Variants in MECOM observed in about 807,000 individuals in gnomAD.
The protein encoded by MECOM is MDS1 and EVI1 complex locus, also known as histone-lysine N-methyltransferase MECOM.
In MECOM, 13 loss-of-function variants were observed where a neutral mutation model predicts 116.3. The observed-to-expected ratio is 0.11, with a 90% CI of 0.07 to 0.18. MECOM has a LOEUF of 0.18. MECOM is among the 10% of genes least tolerant of loss of function. MECOM has a pLI of 1.00. For missense variants in MECOM, 1,299 were observed against 1,509.0 expected (o/e 0.86, Z 2.31); for synonymous variants, 528 against 535.2 (o/e 0.99, Z 0.19).
intron 2 of MECOM, among the ~76,000 whole-genome samples, chr3:169,161,768 A>G (rs1369676217): frequency 1.3e-5 from 2 of 151,758 alleles, no homozygotes; most frequent in African/African-American, 4.8e-5. Flanking sequence ...AAATTTGATT[A>G]TAAAAAAGAA....
intron 1 of MECOM, among the ~76,000 whole-genome samples, chr3:169,508,514 ACT>A (rs891730532): frequency 2.7e-5 from 4 of 146,226 alleles, no homozygotes; most frequent in African/African-American, 1.0e-4. Flanking sequence ...ACACATACAC[ACT>A]CACACACACA....
At chr3:169,199,604 A>G (rs966530241) in intron 2 of MECOM, among the ~76,000 whole-genome samples, 1 of 152,106 alleles carries the variant, frequency 6.6e-6, no homozygotes, top group African/African-American at 2.4e-5. Flanking sequence ...GTTTCAAAGC[A>G]TTATAATGCA....
chr3:169,506,612 TG>T (rs1755253636), intron 1 of MECOM, among the ~76,000 whole-genome samples: 1 of 152,246 alleles, frequency 6.6e-6, no homozygotes, highest in African/African-American at 2.4e-5. Flanking sequence ...TGTTCTGCTT[TG>T]TTTTGTTTTG....
chr3:169,204,258 C>T (rs1325019063), intron 2 of MECOM, among the ~76,000 whole-genome samples: 1 of 152,148 alleles, frequency 6.6e-6, no homozygotes, highest in African/African-American at 2.4e-5. Flanking sequence ...GCTTTGGTAA[C>T]TCTTTAGAAA....
intron 1 of MECOM, among the ~76,000 whole-genome samples, chr3:169,436,107 T>C (rs1174699953): frequency 6.6e-6 from 1 of 152,132 alleles, no homozygotes; most frequent in South Asian, 2.1e-4. Context: ...CTGAATATGG[T>C]AAGAAGATCC....
chr3:169,453,053 C>A (rs1269384330), intron 1 of MECOM, among the ~76,000 whole-genome samples: 4 of 152,136 alleles, frequency 2.6e-5, no homozygotes, highest in Admixed American at 2.0e-4. Flanking sequence ...GAAATAGTAA[C>A]TTAGATGTAA....
At chr3:169,311,070 T>A (rs1488156461) in intron 2 of MECOM, among the ~76,000 whole-genome samples, 1 of 152,222 alleles carries the variant, frequency 6.6e-6, no homozygotes, top group Non-Finnish European at 1.5e-5. Context: ...GGCAGTTATA[T>A]CATGCTCTAA....
intron 2 of MECOM, among the ~76,000 whole-genome samples, chr3:169,144,488 TG>T (rs955064833): frequency 1.3e-5 from 2 of 152,192 alleles, no homozygotes; most frequent in African/African-American, 4.8e-5. Flanking sequence ...AAAATAAAGC[TG>T]GCTCCTTGTG....
At chr3:169,145,576 A>C (rs1739630809) in intron 2 of MECOM, 1 of 225,200 alleles carries the variant, frequency 4.4e-6, no homozygotes, top group Non-Finnish European at 8.8e-6. Context: ...TTCTCCTGAC[A>C]CACCAAAGAA....
intron 2 of MECOM, among the ~76,000 whole-genome samples, chr3:169,265,800 AT>A (rs375049202): frequency 5.9e-5 from 9 of 152,344 alleles, no homozygotes; most frequent in African/African-American, 2.2e-4. Flanking sequence ...CTAATTCTCT[AT>A]AATCCTTTCC....
chr3:169,662,413 C>A (rs1431588084), intron 1 of MECOM, among the ~76,000 whole-genome samples: 3 of 152,228 alleles, frequency 2.0e-5, no homozygotes, highest in Non-Finnish European at 4.4e-5. Flanking sequence ...CTCTCTGCCT[C>A]CTGCTCCTAG....
chr3:169,584,391 C>T (rs1252917864), intron 1 of MECOM, among the ~76,000 whole-genome samples: 3 of 151,140 alleles, frequency 2.0e-5, no homozygotes, highest in Non-Finnish European at 4.4e-5. Context: ...CGGTGAAACC[C>T]CGTCTCTACT....
At chr3:169,262,530 T>C (rs1050720237) in intron 2 of MECOM, among the ~76,000 whole-genome samples, 1 of 152,152 alleles carries the variant, frequency 6.6e-6, no homozygotes, top group African/African-American at 2.4e-5. Context: ...GGGACGGAAT[T>C]TGACCAATGA....
intron 2 of MECOM, among the ~76,000 whole-genome samples, chr3:169,349,241 CTT>C (rs1320988581): frequency 1.3e-5 from 2 of 151,830 alleles, no homozygotes; most frequent in Non-Finnish European, 2.9e-5. Flanking sequence ...CCTTCTTGCT[CTT>C]TTTCTTTTTT....
At chr3:169,271,387 G>A (rs1249549264) in intron 2 of MECOM, among the ~76,000 whole-genome samples, 5 of 152,094 alleles carry the variant, frequency 3.3e-5, no homozygotes, top group Admixed American at 1.3e-4. Flanking sequence ...TCAAATAATC[G>A]CTAAATTACC....
intron 1 of MECOM, among the ~76,000 whole-genome samples, chr3:169,507,133 T>C (rs1323390516): frequency 4.6e-5 from 7 of 152,162 alleles, no homozygotes; most frequent in Admixed American, 3.3e-4. Context: ...ACCCTATACA[T>C]TGGGTGTTAG....
At chr3:169,222,213 A>G (rs1752221135) in intron 2 of MECOM, among the ~76,000 whole-genome samples, 2 of 152,220 alleles carry the variant, frequency 1.3e-5, no homozygotes, top group South Asian at 4.1e-4. Context: ...TTATTTTCTG[A>G]GGTCCAACAT....
chr3:169,521,372 G>C (rs1037760607), intron 1 of MECOM, among the ~76,000 whole-genome samples: 1 of 152,106 alleles, frequency 6.6e-6, no homozygotes, highest in East Asian at 1.9e-4. Flanking sequence ...ACTGTGATTT[G>C]AACATGATCA....
intron 2 of MECOM, among the ~76,000 whole-genome samples, chr3:169,279,982 T>C (rs1228546841): frequency 6.6e-6 from 1 of 152,160 alleles, no homozygotes; most frequent in Non-Finnish European, 1.5e-5. Flanking sequence ...AGTTCTTTCA[T>C]GGAGATCTCA....
Sources: allele counts gnomAD v4.1 joint callset (sites outside exome capture counted in the v4.1 genomes callset), GRCh38; gene constraint gnomAD v4.1.1; transcripts MANE v1.5; gene names NCBI Gene and HGNC (gene_info 2026-07-23, HGNC 2026-07-21).